The following LRTM1 variants were observed in gnomAD, a reference collection of about 807,000 sequenced individuals.
The protein encoded by LRTM1 is leucine-rich repeat and transmembrane domain-containing protein 1.
A neutral mutation model predicts 32.4 loss-of-function variants in LRTM1; 38 were observed. The observed-to-expected ratio is 1.17, with a 90% CI of 0.91 to 1.54. The LOEUF is 1.54. Among genes scored for constraint, LRTM1 ranks in the 40% most tolerant of loss-of-function variants. The pLI is 0.00. For missense variants in LRTM1, 466 were observed against 415.4 expected, an observed-to-expected ratio of 1.12 and a Z score of -1.06; for synonymous variants, 186 against 169.9, an observed-to-expected ratio of 1.09 and a Z score of -0.74.
At chr3:54,954,690 T>C (rs1701837421) in intron 1 of LRTM1, among the ~76,000 whole-genome samples, 1 of 152,180 alleles carries the variant, frequency 6.6e-6, no homozygotes, top group Admixed American at 6.5e-5. Context: ...TGCCCTGAGA[T>C]TCCCCAGGCC....
Position 54,942,259 on chromosome 3 carries a change from A to G in LRTM1, c.-221-17044T>C, listed in dbSNP as rs185790145. On this transcript the variant is annotated intron_variant, in intron 1 of 2. Coordinates refer to the LRTM1 transcript ENST00000493075. ...GTCCCTTGAAAGTCCCAGCATGGCT[A>G]AGACTCACCTTCTGAACAGGCAGTC... 2.4e-3 allele frequency among the ~76,000 whole-genome samples: 363 copies of G among 152,268 alleles called. 3 individuals carry two copies. The highest frequency in any genetic ancestry group is 8.4e-3 in the African/African-American group (350 of 41,552).
At chr3:54,961,837 G>A (rs1159015460) in intron 1 of LRTM1, among the ~76,000 whole-genome samples, 5 of 152,122 alleles carry the variant, frequency 3.3e-5, no homozygotes, top group African/African-American at 1.2e-4. Context: ...TAGAAGCCGG[G>A]TAATTTGTAA....
At chr3:54,928,285 C>T (rs1701085228), upstream of LRTM1, among the ~76,000 whole-genome samples, 1 of 152,144 alleles carries the variant, frequency 6.6e-6, no homozygotes, top group East Asian at 1.9e-4. Flanking sequence ...GACCCCAGTG[C>T]CTCGGCCTTT....
intron 1 of LRTM1, among the ~76,000 whole-genome samples, chr3:54,940,499 A>G (rs984476072): frequency 6.6e-6 from 1 of 152,140 alleles, no homozygotes; most frequent in African/African-American, 2.4e-5. Flanking sequence ...GCTTCGGGCC[A>G]TGTGTTTTAT....
At chr3:54,937,739 C>T (rs1236882971) in intron 1 of LRTM1, among the ~76,000 whole-genome samples, 1 of 151,918 alleles carries the variant, frequency 6.6e-6, no homozygotes, top group Non-Finnish European at 1.5e-5. Context: ...GAGACGAGGG[C>T]CATTCCAGGT....
At chr3:54,964,351 G>A (rs1381165601) in intron 1 of LRTM1, among the ~76,000 whole-genome samples, 1 of 152,078 alleles carries the variant, frequency 6.6e-6, no homozygotes, top group African/African-American at 2.4e-5. Flanking sequence ...TGACCTCCGG[G>A]GAAATATGTT....
At position 54,927,794 on chromosome 3, in the gene LRTM1, G is replaced by A; in HGVS notation, c.7+111C>T. 5.2e-6 allele frequency: 6 copies of A among 1,159,042 alleles called. No homozygotes were observed. The South Asian group carries it at 6.2e-5, about 12-fold the overall frequency. The allele number at this position is 1,159,042 out of a possible 1,614,324, so 71.8% of individuals were successfully genotyped here. A position where few individuals can be genotyped will look rare whatever the true frequency, so the allele number is the denominator to read the frequency against. On this transcript the variant is annotated intron_variant, in intron 1 of 2. Transcript: ENST00000273286. ...CAGAGACATTTTTCATATCTGTCCA[G>A]TCTTTTAAGACAGACGACTTGAAAA...
At chr3:54,940,072 A>C (rs1701429082) in intron 1 of LRTM1, among the ~76,000 whole-genome samples, 1 of 152,136 alleles carries the variant, frequency 6.6e-6, no homozygotes, top group Non-Finnish European at 1.5e-5. Flanking sequence ...CAGCCTTCCC[A>C]CTGGACAGCT....
upstream of LRTM1, among the ~76,000 whole-genome samples, chr3:54,930,576 G>T (rs899690793): frequency 6.6e-6 from 1 of 152,202 alleles, no homozygotes; most frequent in Admixed American, 6.5e-5. Context: ...CAAGACCCTG[G>T]CAGAGAACCA....
chr3:54,964,243 G>A (rs1702093682), intron 1 of LRTM1, among the ~76,000 whole-genome samples: 2 of 152,172 alleles, frequency 1.3e-5, no homozygotes, highest in Non-Finnish European at 2.9e-5. Flanking sequence ...ACCAGATGCA[G>A]TTGTGTAAAG....
Position 54,918,338 on chromosome 3 carries a change from T to TC in LRTM1, c.*120_*121insG, listed in dbSNP as rs1472376596. On this transcript the variant is annotated 3_prime_UTR_variant, in exon 3 of 3. Coordinates refer to ENST00000273286, the MANE Select transcript of LRTM1 (RefSeq NM_020678.4). ...AGACACATCTTTTTTTTTTCTTTTT[T>TC]TTTTTTTTTTTTTTTTTGTCTTTTG... 54 of 290,742 alleles carry TC rather than the reference T, an allele frequency of 1.9e-4. No individual in the cohort carries two copies. The highest frequency in any genetic ancestry group is 2.7e-3 in the Middle Eastern group (2 of 752). 18.0% of individuals were successfully genotyped at this position (290,742 alleles called of 1,614,324 possible).
intron 1 of LRTM1, among the ~76,000 whole-genome samples, chr3:54,941,681 AT>A (rs1182666313): frequency 6.6e-6 from 1 of 152,222 alleles, no homozygotes; most frequent in African/African-American, 2.4e-5. Flanking sequence ...TTTAAGTTTT[AT>A]TAAAGTAATA....
chr3:54,949,664 G>A (rs1397172505), intron 1 of LRTM1, among the ~76,000 whole-genome samples: 1 of 152,216 alleles, frequency 6.6e-6, no homozygotes, highest in East Asian at 1.9e-4. Flanking sequence ...GTTGCAAACA[G>A]TAACCTGAAA....
intron 1 of LRTM1, among the ~76,000 whole-genome samples, chr3:54,949,073 A>C (rs1701689426): frequency 6.6e-6 from 1 of 152,158 alleles, no homozygotes; most frequent in African/African-American, 2.4e-5. Context: ...GGCCTTCCTC[A>C]TCCAGTGCCC....
At position 54,958,421 on chromosome 3, in the gene LRTM1, A is replaced by G. The variant is rs181641369; in HGVS notation, c.-222+8507T>C. Among the ~76,000 whole-genome samples, 11 of 152,212 alleles carry G rather than the reference A, an allele frequency of 7.2e-5. No homozygotes were observed. The East Asian group carries it at 1.6e-3, about 21-fold the overall frequency. On this transcript the variant is annotated intron_variant, in intron 1 of 2. Coordinates refer to the LRTM1 transcript ENST00000493075. ...TTTTTTAAAGAGTATTTTTAGGTCA[A>G]AGTCAGTTTATTCCCTACAGCAGTA...
chr3:54,931,738 G>A (rs1390559145), upstream of LRTM1, among the ~76,000 whole-genome samples: 2 of 152,122 alleles, frequency 1.3e-5, no homozygotes, highest in Admixed American at 6.5e-5. Context: ...CCCTTTTTAA[G>A]CCAGAATGTT....
chr3:54,934,600 C>T (rs1054554125), intron 1 of LRTM1, among the ~76,000 whole-genome samples: 1 of 152,122 alleles, frequency 6.6e-6, no homozygotes, highest in South Asian at 2.1e-4. Flanking sequence ...AGACAGTGGC[C>T]AAAATCTTTC....
chr3:54,946,664 G>C (rs201586916), intron 1 of LRTM1, among the ~76,000 whole-genome samples: 2 of 152,022 alleles, frequency 1.3e-5, no homozygotes, highest in Non-Finnish European at 2.9e-5. Flanking sequence ...GTGCAAACCT[G>C]GGGGGAGCTA....
At chr3:54,931,123 C>A (rs1201629494), upstream of LRTM1, among the ~76,000 whole-genome samples, 1 of 152,138 alleles carries the variant, frequency 6.6e-6, no homozygotes, top group Non-Finnish European at 1.5e-5. Flanking sequence ...AAAGTGGCAT[C>A]TCTTACTAGC....
Sources: gnomAD v4.1 joint callset for allele counts (sites outside exome capture counted in the v4.1 genomes callset) on GRCh38, gnomAD v4.1.1 for gene constraint, MANE v1.5 for transcripts, NCBI Gene and HGNC (gene_info 2026-07-23, HGNC 2026-07-21) for gene names.